The following NCAN variants were observed in gnomAD, a reference collection of about 807,000 sequenced individuals.
The protein encoded by NCAN is neurocan.
A neutral mutation model predicts 121.8 loss-of-function variants in NCAN; 47 were observed. That is an observed-to-expected ratio of 0.39 (90% CI 0.31 to 0.49). NCAN has a LOEUF of 0.49. Among genes scored for constraint, NCAN ranks in the 20% least tolerant of loss-of-function variants. The pLI is 0.92. For missense variants in NCAN, 1,517 were observed against 1,773.4 expected (o/e 0.86, Z 2.60); for synonymous variants, 633 against 702.0 (o/e 0.90, Z 1.55).
At chr19:19,217,313 T>C (rs1447191922) in intron 2 of NCAN, among the ~76,000 whole-genome samples, 2 of 152,178 alleles carry the variant, frequency 1.3e-5, no homozygotes, top group Non-Finnish European at 2.9e-5. Flanking sequence ...GATTGATTAG[T>C]GATGTCTGCC....
At chr19:19,240,502 A>C in intron 11 of NCAN, 101 bp from the exon 12 acceptor site, 1 of 1,126,120 alleles carries the variant, frequency 8.9e-7, no homozygotes, top group Non-Finnish European at 1.4e-6. Context: ...AAGGTGAGGA[A>C]TTCTTTCCTC....
rs542551324 is a variant in NCAN at position 19,226,618 on chromosome 19, C to T, written c.1205C>T (p.Pro402Leu). The T allele has an allele frequency of 3.7e-6, 6 of 1,613,792 alleles. No homozygotes were observed. Among genetic ancestry groups the T allele is most frequent in the Non-Finnish European group, 3.4e-6 (4 of 1,180,004 alleles). The change falls in exon 7 of 15, where the codon CCT (proline) becomes CTT (leucine). Residue 402 changes from proline (P) to leucine (L), a missense_variant. By Grantham distance (98) the Pro-to-Leu change is moderately conservative (BLOSUM62 -3). Coordinates refer to ENST00000252575, the MANE Select transcript of NCAN (RefSeq NM_004386.3). ...PTLEEEEVVT[P>L]DFQEPLVSSG... is the part of the protein sequence containing the mutation. ...CTGGAGGAGGAAGAGGTGGTCACCCCTGACTTCCAGGAGCCTCTGGTGTCC... is the reference window on the plus strand; with the variant it reads ...CTGGAGGAGGAAGAGGTGGTCACCCTTGACTTCCAGGAGCCTCTGGTGTCC...
intron 10 of NCAN, among the ~76,000 whole-genome samples, chr19:19,236,218 C>G (rs1164557664): frequency 6.6e-6 from 1 of 152,190 alleles, no homozygotes; most frequent in Non-Finnish European, 1.5e-5. Flanking sequence ...AATCTGCTTT[C>G]TGTCTCTGTG....
At chr19:19,224,870 C>A in intron 5 of NCAN, 107 bp from the exon 6 acceptor site, 1 of 1,037,696 alleles carries the variant, frequency 9.6e-7, no homozygotes, top group Non-Finnish European at 1.3e-6. Context: ...CTCTTCTAAC[C>A]ACCACCCTAA....
chr19:19,222,370 G>A (rs1015814795), intron 3 of NCAN, among the ~76,000 whole-genome samples: 27 of 152,200 alleles, frequency 1.8e-4, no homozygotes, highest in African/African-American at 6.3e-4. Context: ...CCTCTGCCTC[G>A]TGGGTTCAAG....
chr19:19,243,959 G>C (rs551103154), intron 12 of NCAN, among the ~76,000 whole-genome samples: 3 of 152,244 alleles, frequency 2.0e-5, no homozygotes, highest in African/African-American at 7.2e-5. Context: ...CGGGACCTGG[G>C]AGGCGGAGGT....
chr19:19,226,354 A>T, intron 6 of NCAN, 132 bp from the exon 7 acceptor site: 1 of 720,526 alleles, frequency 1.4e-6, no homozygotes, highest in Non-Finnish European at 2.2e-6. Context: ...GGGGAATCTC[A>T]GAAACTACTT....
chr19:19,227,220 G>A lies in NCAN; in HGVS notation c.1661-61G>A. On this transcript the variant is annotated intron_variant, in intron 7 of 14. Coordinates refer to ENST00000252575, the MANE Select transcript of NCAN (RefSeq NM_004386.3). This position sits in a 1 kb window ranked among gnomAD's most constrained non-coding sequence, Gnocchi z 4.2. ...CAGAAGCCCCCTCTCCCTTGGGCCT[G>A]GAGTCCAACCAAAGGGGCTGCTGAG... is the stretch of plus-strand genomic sequence containing the variant. 6.6e-7 allele frequency: 1 copy of A among 1,506,786 alleles called. No individual in the cohort carries two copies. The highest frequency in any genetic ancestry group is 8.8e-7 in the Non-Finnish European group (1 of 1,130,238). 93.3% of individuals were successfully genotyped at this position (1,506,786 alleles called of 1,614,324 possible). A position where few individuals can be genotyped will look rare whatever the true frequency, so the allele number is the denominator to read the frequency against.
chr19:19,233,578 C>A (rs1037978444), intron 8 of NCAN, among the ~76,000 whole-genome samples: 2 of 152,088 alleles, frequency 1.3e-5, no homozygotes, highest in African/African-American at 4.8e-5. Context: ...AGGAAAGTCC[C>A]CAGATGCTTT....
intron 10 of NCAN, among the ~76,000 whole-genome samples, chr19:19,235,921 A>AT (rs1452457042): frequency 6.6e-6 from 1 of 151,750 alleles, no homozygotes; most frequent in African/African-American, 2.4e-5. Context: ...TAATTTTTGT[A>AT]TTTTTTGTAG....
intron 13 of NCAN, among the ~76,000 whole-genome samples, 168 bp downstream of exon 13, chr19:19,245,625 G>A (rs1313772477): frequency 1.3e-5 from 2 of 151,956 alleles, no homozygotes; most frequent in African/African-American, 4.8e-5. Flanking sequence ...CTATAGGCAT[G>A]CACCAACATG....
intron 3 of NCAN, among the ~76,000 whole-genome samples, chr19:19,221,327 C>A (rs956938534): frequency 6.6e-6 from 1 of 151,752 alleles, no homozygotes; most frequent in Non-Finnish European, 1.5e-5. Context: ...ATCATGAGGT[C>A]AGGAGTTCGA....
intron 8 of NCAN, among the ~76,000 whole-genome samples, chr19:19,229,393 A>T (rs890952006): frequency 4.9e-4 from 75 of 152,130 alleles, no homozygotes; most frequent in African/African-American, 2.4e-4. Context: ...CCCAGGCGAG[A>T]CCAGAGGGAG....
intron 2 of NCAN, among the ~76,000 whole-genome samples, chr19:19,218,498 G>T (rs1156560933): frequency 1.3e-5 from 2 of 151,446 alleles, no homozygotes; most frequent in Non-Finnish European, 2.9e-5. Context: ...TTGAGATGGA[G>T]TTTCGCTCTT....
rs762603305 is a variant in NCAN, at chr19:19,225,148, C to G, written c.950C>G (p.Pro317Arg). The G allele has an allele frequency of 1.3e-6, 2 of 1,530,324 alleles. No individual in the cohort carries two copies. The highest frequency in any genetic ancestry group is 8.7e-7 in the Non-Finnish European group (1 of 1,148,556). The allele number at this position is 1,530,324 out of a possible 1,614,324, so 94.8% of individuals were successfully genotyped here. A position where few individuals can be genotyped will look rare whatever the true frequency, so the allele number is the denominator to read the frequency against. The change falls in exon 6 of 15, where the codon CCG (proline) becomes CGG (arginine). Residue 317 changes from proline (P) to arginine (R), a missense_variant. Coordinates refer to ENST00000252575, the MANE Select transcript of NCAN (RefSeq NM_004386.3). This position sits in a 1 kb window ranked among gnomAD's most constrained non-coding sequence, Gnocchi z 4.0. The stretch of plus-strand genomic sequence containing the variant: ...CTGGCCGACGGCAGCGTGCGCTACC[C>G]GATCCAGACGCCGCGCCGGCGCTGC... ...GWLADGSVRY[P>R]IQTPRRRCGG...
intron 8 of NCAN, 28 bp from the exon 9 acceptor site, chr19:19,233,761 T>C: frequency 6.9e-7 from 1 of 1,442,906 alleles, no homozygotes; most frequent in Non-Finnish European, 9.8e-7. Flanking sequence ...GGCCTGACTC[T>C]TCCCCACACT....
At chr19:19,246,673 A>C (rs1220611615) in intron 13 of NCAN, among the ~76,000 whole-genome samples, 1 of 151,956 alleles carries the variant, frequency 6.6e-6, no homozygotes, top group Non-Finnish European at 1.5e-5. Context: ...AGCTGGGATT[A>C]CAGGCACACA....
rs2060900135 is a variant in NCAN, at chr19:19,240,682, G to A, written c.3489G>A (p.Gly1163=). The A allele has an allele frequency of 1.2e-6, 2 of 1,613,940 alleles. No homozygotes were observed. Among genetic ancestry groups the A allele is most frequent in the African/African-American group, 2.7e-5 (2 of 74,944 alleles). Residue 1163 remains glycine (G), a synonymous_variant, in exon 12 of 15, where the codon GGG becomes GGA. Coordinates refer to ENST00000252575, the MANE Select transcript of NCAN (RefSeq NM_004386.3). ...ATTTCCAGTGGACGGACAACACCGG[G>A]CTGGTGAGTGGCAGGGGCTGCGGGC... ...ERDFQWTDNT[G]LQFENWRENQ...
intron 3 of NCAN, among the ~76,000 whole-genome samples, chr19:19,221,874 G>A (rs999294273): frequency 1.3e-5 from 2 of 151,928 alleles, no homozygotes; most frequent in African/African-American, 2.4e-5. Flanking sequence ...CTGGGTGACA[G>A]AGGGAGACCC....
Sources: allele counts gnomAD v4.1 joint callset (sites outside exome capture counted in the v4.1 genomes callset), GRCh38; gene constraint gnomAD v4.1.1; non-coding constraint Gnocchi (gnomAD v3.1); transcripts MANE v1.5; gene names NCBI Gene and HGNC (gene_info 2026-07-23, HGNC 2026-07-21).